CNBD1: variants seen among roughly 807,000 people sequenced by gnomAD.
CNBD1 encodes the protein cyclic nucleotide-binding domain-containing protein 1.
Under a neutral mutation model 54.4 loss-of-function variants are expected in CNBD1, and 71 were observed. The observed-to-expected ratio is 1.30, with a 90% CI of 1.08 to 1.59. CNBD1 has a LOEUF of 1.59. Ranked by LOEUF, CNBD1 falls within the 40% of genes most tolerant of loss-of-function variation. The pLI is 0.00. For synonymous variants in CNBD1, 182 were observed against 170.7 expected, an observed-to-expected ratio of 1.07 and a Z score of -0.51; for missense variants, 659 against 518.0, an observed-to-expected ratio of 1.27 and a Z score of -2.64.
intron 8 of CNBD1, among the ~76,000 whole-genome samples, chr8:87,324,142 A>C (rs900733463): frequency 1.6e-5 from 2 of 124,534 alleles, no homozygotes; most frequent in Non-Finnish European, 3.6e-5. Context: ...CTTGCATCCC[A>C]GGGATGAAGC....
chr8:87,118,314 CAAAAAAA>C (rs34800282), intron 4 of CNBD1, among the ~76,000 whole-genome samples: 4,533 of 109,120 alleles, frequency 0.042, 231 homozygotes, highest in African/African-American at 0.14. Flanking sequence ...GACTCTGTCT[CAAAAAAA>C]AAAAAAAAAA....
intron 4 of CNBD1, among the ~76,000 whole-genome samples, chr8:86,957,902 G>C (rs1482206199): frequency 1.3e-5 from 2 of 152,162 alleles, no homozygotes; most frequent in East Asian, 1.9e-4. Flanking sequence ...TGCTTCTCTA[G>C]TTCTTTTAAT....
At chr8:86,979,414 A>G (rs1808418306) in intron 4 of CNBD1, among the ~76,000 whole-genome samples, 1 of 145,998 alleles carries the variant, frequency 6.8e-6, no homozygotes, top group Non-Finnish European at 1.5e-5. Context: ...AAAAAAAAAA[A>G]AAAAAAAAAA....
intron 4 of CNBD1, among the ~76,000 whole-genome samples, chr8:87,007,712 A>G (rs1198237836): frequency 1.3e-5 from 2 of 152,170 alleles, no homozygotes. Flanking sequence ...ATTTTAGATA[A>G]CATTCTTAAA....
chr8:86,893,686 T>C (rs1330469993), intron 2 of CNBD1, among the ~76,000 whole-genome samples: 2 of 152,204 alleles, frequency 1.3e-5, no homozygotes, highest in Non-Finnish European at 2.9e-5. Context: ...TTTGGTGCTC[T>C]TGAGAGTTTT....
At chr8:86,875,461 C>T (rs1808506928) in intron 1 of CNBD1, among the ~76,000 whole-genome samples, 1 of 152,196 alleles carries the variant, frequency 6.6e-6, no homozygotes. Context: ...GAATTAGTTA[C>T]TTCTGGAATA....
intron 8 of CNBD1, among the ~76,000 whole-genome samples, chr8:87,339,933 A>T (rs1190759422): frequency 1.3e-5 from 2 of 152,196 alleles, no homozygotes; most frequent in Non-Finnish European, 2.9e-5. Context: ...TCAGTGTTAT[A>T]GTATTACAGT....
At chr8:87,382,508 A>T (rs1214222653) in intron 10 of CNBD1, 112 bp from the exon 11 acceptor site, 7 of 761,186 alleles carry the variant, frequency 9.2e-6, no homozygotes, top group South Asian at 1.8e-5. Flanking sequence ...CTTTTAAAGC[A>T]TAACCCCTCT....
intron 4 of CNBD1, among the ~76,000 whole-genome samples, chr8:87,150,271 T>C (rs1018746963): frequency 2.0e-5 from 3 of 152,098 alleles, no homozygotes; most frequent in African/African-American, 7.2e-5. Flanking sequence ...AAAGCCCATA[T>C]CATTAGGAAT....
rs553689457 is a variant in CNBD1 at position 87,162,768 on chromosome 8, G to A, written c.432-43225G>A. Among the ~76,000 whole-genome samples, 6 of 152,162 alleles carry A rather than the reference G, an allele frequency of 3.9e-5. No individual in the cohort carries two copies. The East Asian group carries it at 7.8e-4, about 20-fold the overall frequency. On this transcript the variant is annotated intron_variant, in intron 4 of 10. Coordinates refer to ENST00000518476, the MANE Select transcript of CNBD1 (RefSeq NM_173538.3). Reference sequence around the variant, plus strand: ...TGGACAAAAGGAATGCTGTCTTCATGTGACAGAAGGCAGAAGGGCAAAAGG... The same window carrying A: ...TGGACAAAAGGAATGCTGTCTTCATATGACAGAAGGCAGAAGGGCAAAAGG...
chr8:87,385,927 G>A (rs1359440473), downstream of CNBD1, among the ~76,000 whole-genome samples: 3 of 152,118 alleles, frequency 2.0e-5, no homozygotes, highest in Non-Finnish European at 4.4e-5. Context: ...AATTTCCAGA[G>A]GAACTATCAG....
intron 2 of CNBD1, among the ~76,000 whole-genome samples, chr8:87,425,128 C>A (rs1025082970): frequency 6.6e-6 from 1 of 152,252 alleles, no homozygotes; most frequent in African/African-American, 2.4e-5. Flanking sequence ...CCTGAGGCTT[C>A]TGCATTCTTC....
intron 4 of CNBD1, among the ~76,000 whole-genome samples, chr8:87,026,378 T>G (rs940667727): frequency 7.0e-6 from 1 of 142,398 alleles, no homozygotes; most frequent in African/African-American, 2.5e-5. Context: ...CCTCCCTCCC[T>G]TCTTCCCTTT....
intron 6 of CNBD1, among the ~76,000 whole-genome samples, chr8:87,264,048 C>T (rs1378008819): frequency 6.6e-6 from 1 of 151,902 alleles, no homozygotes; most frequent in Non-Finnish European, 1.5e-5. Context: ...GCACAACGTG[C>T]AGGTTTGTTA....
intron 5 of CNBD1, among the ~76,000 whole-genome samples, chr8:87,233,874 AT>A (rs1390581621): frequency 6.6e-6 from 1 of 152,178 alleles, no homozygotes; most frequent in Non-Finnish European, 1.5e-5. Context: ...GTTTGATAGC[AT>A]TTTACCCACA....
At chr8:87,376,555 G>A (rs1382621013) in intron 10 of CNBD1, among the ~76,000 whole-genome samples, 1 of 151,892 alleles carries the variant, frequency 6.6e-6, no homozygotes, top group African/African-American at 2.4e-5. Flanking sequence ...CCTGACAGAT[G>A]TGAAACCACA....
intron 4 of CNBD1, among the ~76,000 whole-genome samples, chr8:86,945,643 G>T (rs964030954): frequency 5.3e-5 from 8 of 152,096 alleles, no homozygotes; most frequent in African/African-American, 1.9e-4. Flanking sequence ...TTCATATCTA[G>T]AAAAGAAAGT....
At chr8:87,359,955 T>C (rs1810494831) in intron 10 of CNBD1, among the ~76,000 whole-genome samples, 1 of 152,048 alleles carries the variant, frequency 6.6e-6, no homozygotes, top group South Asian at 2.1e-4. Context: ...CTTTCTAATT[T>C]TTCAAGAATT....
intron 6 of CNBD1, among the ~76,000 whole-genome samples, chr8:87,255,944 TAA>T (rs1341728911): frequency 2.3e-5 from 3 of 128,014 alleles, no homozygotes; most frequent in Admixed American, 8.5e-5. Flanking sequence ...TATATATATA[TAA>T]AATACTCATA....
Sources: gnomAD v4.1 joint callset for allele counts (sites outside exome capture counted in the v4.1 genomes callset) on GRCh38, gnomAD v4.1.1 for gene constraint, MANE v1.5 for transcripts, NCBI Gene and HGNC (gene_info 2026-07-23, HGNC 2026-07-21) for gene names.